RIPPLY2: variants seen among roughly 807,000 people sequenced by gnomAD.
The protein encoded by RIPPLY2 is ripply transcriptional repressor 2, also known as protein ripply2.
A neutral mutation model predicts 17.7 loss-of-function variants in RIPPLY2; 20 were observed. The ratio of observed to expected loss-of-function variants is 1.13; its 90% CI spans 0.79 to 1.64. The LOEUF is 1.64. RIPPLY2 is among the 40% of genes most tolerant of loss of function. The pLI, the probability that RIPPLY2 is intolerant of heterozygous loss-of-function variation, is 0.00. For synonymous variants in RIPPLY2, 69 were observed against 63.9 expected (o/e 1.08, Z -0.38); for missense variants, 213 against 169.8 (o/e 1.25, Z -1.41).
In RIPPLY2 at chr6:83,855,076, T is replaced by C. The variant is rs75547714; in HGVS notation, c.239+915T>C. Reference sequence around the variant, plus strand: ...AAAAGTTAGTCAGATGAATGGGAAGTGGGAGCAAAAGAAATAGCATTGGAA... The same window carrying C: ...AAAAGTTAGTCAGATGAATGGGAAGCGGGAGCAAAAGAAATAGCATTGGAA... On this transcript the variant is annotated intron_variant, in intron 3 of 3. Coordinates refer to ENST00000369689, the MANE Select transcript of RIPPLY2 (RefSeq NM_001009994.3). 3.1e-3 allele frequency: 479 copies of C among 152,390 alleles called. 3 individuals carry two copies. The highest frequency in any genetic ancestry group is 0.011 in the African/African-American group (453 of 41,552). The allele number at this position is 152,390 out of a possible 1,614,324, so 9.4% of individuals were successfully genotyped here. A position where few individuals can be genotyped will look rare whatever the true frequency, so the allele number is the denominator to read the frequency against.
At chr6:83,853,932 G>C in intron 2 of RIPPLY2, 159 bp downstream of exon 2, 1 of 983,494 alleles carries the variant, frequency 1.0e-6, no homozygotes, top group Non-Finnish European at 1.6e-6. Context: ...CGACGCGGCG[G>C]ATGTGTCCTC....
intron 1 of RIPPLY2, 62 bp downstream of exon 1, chr6:83,853,573 C>T (rs574001085): frequency 1.3e-6 from 2 of 1,531,714 alleles, no homozygotes; most frequent in Non-Finnish European, 1.8e-6. Context: ...CCTGCGCCTC[C>T]CCAGCTCCTC....
intron 1 of RIPPLY2, 71 bp downstream of exon 1, chr6:83,853,582 TC>T: frequency 6.5e-7 from 1 of 1,534,942 alleles, no homozygotes; most frequent in Non-Finnish European, 8.7e-7. Context: ...CCCCAGCTCC[TC>T]CCCTCCAACT....
Position 83,857,350 on chromosome 6 carries a change from T to C in RIPPLY2, c.348T>C (p.Asp116=). 1 of 1,585,110 alleles carries C rather than the reference T, an allele frequency of 6.3e-7. No homozygotes were observed. Among genetic ancestry groups the C allele is most frequent in the Non-Finnish European group, 8.5e-7 (1 of 1,171,112 alleles). ...QATISFYEDS[D]SEDEIEDLTC... is the part of the protein sequence containing the mutation. ...CAATTTCATTTTATGAAGATTCTGA[T>C]AGCGAAGATGAAATTGAGGATCTGA... Residue 116 remains aspartate, a synonymous_variant, in exon 4 of 4, where the codon GAT becomes GAC. Transcript: ENST00000369689.
chr6:83,853,906 G>C, intron 2 of RIPPLY2, 133 bp downstream of exon 2: 1 of 1,034,178 alleles, frequency 9.7e-7, no homozygotes, highest in Non-Finnish European at 1.4e-6. Context: ...CCGCCTGCCG[G>C]TGGCCATAAA....
intron 3 of RIPPLY2, chr6:83,856,124 C>CT (rs1354097982): frequency 6.6e-6 from 1 of 151,890 alleles, no homozygotes; most frequent in Non-Finnish European, 1.5e-5. Flanking sequence ...GTGTTTTATT[C>CT]TTTTTATTCA....
chr6:83,854,922 T>C (rs2099454771), intron 3 of RIPPLY2: 1 of 152,326 alleles, frequency 6.6e-6, no homozygotes, highest in Non-Finnish European at 1.5e-5. Context: ...TGGCAAGTGT[T>C]GTAATGGAAT....
At chr6:83,854,692 C>T (rs1340826156) in intron 3 of RIPPLY2, 1 of 154,146 alleles carries the variant, frequency 6.5e-6, no homozygotes, top group Non-Finnish European at 1.4e-5. Flanking sequence ...TGTTCCTAGT[C>T]ACAGGAAGTC....
chr6:83,854,340 C>G (rs978062588), intron 3 of RIPPLY2, 179 bp downstream of exon 3: 3 of 621,950 alleles, frequency 4.8e-6, no homozygotes, highest in Admixed American at 5.3e-5. Context: ...GGCTCACGGT[C>G]CCACGTAAAG....
At chr6:83,856,990 G>T (rs2099455086) in intron 3 of RIPPLY2, 2 of 209,736 alleles carry the variant, frequency 9.5e-6, no homozygotes, top group African/African-American at 4.6e-5. Context: ...GCATATCCAG[G>T]GTTTAGTGTA....
chr6:83,853,741 G>C lies in RIPPLY2; in HGVS notation c.142G>C (p.Glu48Gln). The change falls in exon 2 of 4, where the codon GAA becomes CAA. Residue 48 changes from glutamate to glutamine, a missense_variant. Coordinates refer to ENST00000369689, the MANE Select transcript of RIPPLY2 (RefSeq NM_001009994.3). ...CTGGGTGGACGCCGGAGGCAAGAAA[G>C]AAGAGGAGACGCCGAACCACGCCGC... Reference protein sequence around the residue: ...RPWVDAGGKKEEETPNHAAEA... With the variant: ...RPWVDAGGKKQEETPNHAAEA... The C allele has an allele frequency of 6.2e-7, 1 of 1,613,658 alleles. No homozygotes were observed.
Position 83,857,298 on chromosome 6 carries a change from T to C in RIPPLY2, c.296T>C (p.Leu99Pro). The C allele has an allele frequency of 6.4e-7, 1 of 1,562,792 alleles. No homozygotes were observed. The change falls in exon 4 of 4, where the codon CTT becomes CCT. Residue 99 changes from leucine (L) to proline (P), a missense_variant. Leu to Pro is a moderately conservative substitution (Grantham distance 98). Coordinates refer to ENST00000369689, the MANE Select transcript of RIPPLY2 (RefSeq NM_001009994.3). The part of the protein sequence containing the change: ...YDYLYQEAEA[L>P]LKNFPIQATI... Reference sequence around the variant, plus strand: ...TACTTATATCAAGAAGCAGAAGCTCTTCTGAAAAATTTTCCAATTCAAGCC... The same window carrying C: ...TACTTATATCAAGAAGCAGAAGCTCCTCTGAAAAATTTTCCAATTCAAGCC...
chr6:83,853,533 T>G (rs1270274041), intron 1 of RIPPLY2, 22 bp downstream of exon 1: 2 of 1,535,702 alleles, frequency 1.3e-6, no homozygotes, highest in South Asian at 2.4e-5. Context: ...CGCGCTGCTC[T>G]GCGCCTCCCA....
intron 3 of RIPPLY2, 189 bp downstream of exon 3, chr6:83,854,350 G>T (rs1410948008): frequency 6.5e-6 from 4 of 611,226 alleles, no homozygotes; most frequent in Non-Finnish European, 1.2e-5. Flanking sequence ...CCCACGTAAA[G>T]GGACTGTTGA....
chr6:83,853,394 C>T lies in RIPPLY2; in HGVS notation c.-23C>T, dbSNP rs1411522844. The T allele has an allele frequency of 1.3e-6, 2 of 1,537,398 alleles. No individual in the cohort carries two copies. Among genetic ancestry groups the T allele is most frequent in the Non-Finnish European group, 1.7e-6 (2 of 1,143,116 alleles). On this transcript the variant is annotated 5_prime_UTR_variant, in exon 1 of 4. Coordinates refer to ENST00000369689, the MANE Select transcript of RIPPLY2 (RefSeq NM_001009994.3). The stretch of plus-strand genomic sequence containing the variant: ...AGATTGCCCGCGAGCTGGCAGCGGC[C>T]TTCCGCCCAGCTCTGCGGCGTCATG...
In RIPPLY2 at chr6:83,857,361, A is replaced by C. The variant is rs2099455141; in HGVS notation, c.359A>C (p.Glu120Ala). The change falls in exon 4 of 4, where the codon GAA (glutamate) becomes GCA (alanine). Residue 120 changes from glutamate (E) to alanine (A), a missense_variant. Physicochemically the swap from Glu to Ala is moderately radical, Grantham distance 107 (BLOSUM62 -1). Coordinates refer to ENST00000369689, the MANE Select transcript of RIPPLY2 (RefSeq NM_001009994.3). The part of the protein sequence containing the change: ...SFYEDSDSED[E>A]IEDLTCEN ...TATGAAGATTCTGATAGCGAAGATGAAATTGAGGATCTGACCTGTGAAAAT... is the reference window on the plus strand; with the variant it reads ...TATGAAGATTCTGATAGCGAAGATGCAATTGAGGATCTGACCTGTGAAAAT... The C allele has an allele frequency of 6.3e-7, 1 of 1,585,152 alleles. No individual in the cohort carries two copies. The highest frequency in any genetic ancestry group is 8.5e-7 in the Non-Finnish European group (1 of 1,171,030).
At chr6:83,853,664 T>A (rs780051625) in intron 1 of RIPPLY2, 31 bp from the exon 2 acceptor site, 2 of 1,606,214 alleles carry the variant, frequency 1.2e-6, no homozygotes, top group South Asian at 2.2e-5. Context: ...TCACGTCTCC[T>A]CTGCGCGCCT....
Position 83,857,300 on chromosome 6 carries a change from C to T in RIPPLY2, c.298C>T (p.Leu100=). 2 of 1,566,134 alleles carry T rather than the reference C, an allele frequency of 1.3e-6. No individual in the cohort carries two copies. The highest frequency in any genetic ancestry group is 1.7e-6 in the Non-Finnish European group (2 of 1,160,506). The part of the protein sequence containing the change: ...DYLYQEAEAL[L]KNFPIQATIS... ...CTTATATCAAGAAGCAGAAGCTCTT[C>T]TGAAAAATTTTCCAATTCAAGCCAC... Residue 100 remains leucine, a synonymous_variant, in exon 4 of 4, where the codon CTG becomes TTG. Coordinates refer to ENST00000369689, the MANE Select transcript of RIPPLY2 (RefSeq NM_001009994.3).
chr6:83,857,451 T>C lies in RIPPLY2; in HGVS notation c.*62T>C. ...GGGGTTTAAATTTAGTGTACAAATG[T>C]ATCATAATTATTTTAAACTAATTTA... is the stretch of plus-strand genomic sequence containing the variant. On this transcript the variant is annotated 3_prime_UTR_variant, in exon 4 of 4. Coordinates refer to ENST00000369689, the MANE Select transcript of RIPPLY2 (RefSeq NM_001009994.3). The C allele has an allele frequency of 9.7e-7, 1 of 1,025,750 alleles. No homozygotes were observed. Among genetic ancestry groups the C allele is most frequent in the Non-Finnish European group, 1.4e-6 (1 of 738,846 alleles). 63.5% of individuals were successfully genotyped at this position (1,025,750 alleles called of 1,614,324 possible). A position where few individuals can be genotyped will look rare whatever the true frequency, so the allele number is the denominator to read the frequency against.
Sources: gnomAD v4.1 joint callset for allele counts on GRCh38, gnomAD v4.1.1 for gene constraint, MANE v1.5 for transcripts, NCBI Gene and HGNC (gene_info 2026-07-23, HGNC 2026-07-21) for gene names.